Variants in RAPGEF6 observed in about 807,000 individuals in gnomAD.
RAPGEF6 encodes Rap guanine nucleotide exchange factor 6.
A neutral mutation model predicts 171.4 loss-of-function variants in RAPGEF6; 56 were observed. The ratio of observed to expected loss-of-function variants is 0.33; its 90% CI spans 0.26 to 0.41. RAPGEF6 has a LOEUF of 0.41. Ranked by LOEUF, RAPGEF6 falls within the 10% of genes least tolerant of loss-of-function variation. The probability of loss-of-function intolerance (pLI) is 1.00; values close to 1 mark genes in which losing one functional copy is unlikely to be tolerated. For synonymous variants in RAPGEF6, 692 were observed against 650.1 expected, an observed-to-expected ratio of 1.06 and a Z score of -0.98; for missense variants, 1,674 against 1,921.4, an observed-to-expected ratio of 0.87 and a Z score of 2.41.
intron 6 of RAPGEF6, among the ~76,000 whole-genome samples, chr5:131,532,668 A>T (rs1198670327): frequency 6.6e-6 from 1 of 152,000 alleles, no homozygotes; most frequent in African/African-American, 2.4e-5. Context: ...CTTAACCTCC[A>T]GAGGTTTAAA....
chr5:131,438,908 T>C (rs370814515), intron 24 of RAPGEF6, among the ~76,000 whole-genome samples: 3 of 152,208 alleles, frequency 2.0e-5, no homozygotes, highest in African/African-American at 7.2e-5. Context: ...CTAAATCTTA[T>C]AGTTGGTTAA....
chr5:131,495,492 T>A (rs1343816833), intron 13 of RAPGEF6, 61 bp downstream of exon 13: 1 of 1,259,826 alleles, frequency 7.9e-7, no homozygotes, highest in Non-Finnish European at 1.1e-6. Flanking sequence ...CTGTTCTGAG[T>A]TTGCTAGTGT....
chr5:131,464,156 C>T lies in RAPGEF6; in HGVS notation c.2365G>A (p.Ala789Thr), dbSNP rs1754150692. The T allele has an allele frequency of 1.2e-6, 2 of 1,613,902 alleles. No individual in the cohort carries two copies. Among genetic ancestry groups the T allele is most frequent in the African/African-American group, 1.3e-5 (1 of 74,924 alleles). The change falls in exon 18 of 28, where the codon GCA becomes ACA. Residue 789 changes from alanine to threonine, a missense_variant. Around this residue, in one of 3 missense-constraint regions of RAPGEF6, gnomAD observed 1,116 missense variants for 1,321.5 expected, o/e 0.84. Coordinates refer to ENST00000509018, the MANE Select transcript of RAPGEF6 (RefSeq NM_016340.6). ...HAVHEFGLTG[A>T]SDTYSLCEVS... ...TCACAGAGAGAATATGTGTCGGATGCACCGGTCAAACCAAATTCATGAACA... is the reference window on the plus strand; with the variant it reads ...TCACAGAGAGAATATGTGTCGGATGTACCGGTCAAACCAAATTCATGAACA...
chr5:131,455,722 T>C (rs1193408254), intron 20 of RAPGEF6, 79 bp downstream of exon 20: 1 of 1,245,416 alleles, frequency 8.0e-7, no homozygotes, highest in Non-Finnish European at 1.2e-6. Flanking sequence ...GAATAGGAAA[T>C]ATACCATACA....
At chr5:131,437,941 T>TA (rs1752119392) in intron 24 of RAPGEF6, among the ~76,000 whole-genome samples, 1 of 148,772 alleles carries the variant, frequency 6.7e-6, no homozygotes. Flanking sequence ...TCTTTTCCTC[T>TA]TTTTTTTTTG....
At chr5:131,569,966 C>T (rs558912423) in intron 4 of RAPGEF6, among the ~76,000 whole-genome samples, 23 of 132,200 alleles carry the variant, frequency 1.7e-4, no homozygotes, top group Middle Eastern at 4.6e-3. Context: ...TGCTTGACCC[C>T]GGGAGGCAGA....
At chr5:131,477,079 G>C (rs1489035813) in intron 16 of RAPGEF6, among the ~76,000 whole-genome samples, 2 of 151,296 alleles carry the variant, frequency 1.3e-5, no homozygotes, top group East Asian at 3.9e-4. Context: ...TTTCCTATTT[G>C]ATTTCTGAGA....
intron 7 of RAPGEF6, among the ~76,000 whole-genome samples, chr5:131,519,847 T>C (rs1758358140): frequency 6.6e-6 from 1 of 152,200 alleles, no homozygotes; most frequent in South Asian, 2.1e-4. Context: ...ACAATTCTTC[T>C]TTCACAAGAT....
chr5:131,584,391 T>G (rs946434739), intron 4 of RAPGEF6, among the ~76,000 whole-genome samples: 2 of 152,208 alleles, frequency 1.3e-5, no homozygotes, highest in Non-Finnish European at 2.9e-5. Flanking sequence ...CAGCTTTCCT[T>G]TAACCTCTAA....
intron 18 of RAPGEF6, among the ~76,000 whole-genome samples, chr5:131,462,585 G>C (rs1171852151): frequency 6.6e-6 from 1 of 152,150 alleles, no homozygotes; most frequent in Non-Finnish European, 1.5e-5. Context: ...CTACAGAGGA[G>C]GGGAAACACT....
chr5:131,427,810 A>G (rs1162347103), intron 27 of RAPGEF6, among the ~76,000 whole-genome samples: 2 of 152,174 alleles, frequency 1.3e-5, no homozygotes, highest in Non-Finnish European at 2.9e-5. Flanking sequence ...ATTTCATTTA[A>G]AAAATACACC....
intron 5 of RAPGEF6, among the ~76,000 whole-genome samples, chr5:131,560,304 G>A (rs1009886655): frequency 6.6e-6 from 1 of 151,982 alleles, no homozygotes; most frequent in Admixed American, 6.6e-5. Context: ...TCAAACTCAG[G>A]GAATTTGATA....
At chr5:131,504,476 T>A (rs1014489680) in intron 11 of RAPGEF6, 150 bp downstream of exon 11, 501 of 719,864 alleles carry the variant, frequency 7.0e-4, no homozygotes, top group South Asian at 1.2e-3. Context: ...AAAAAAAAAA[T>A]TTTAGAGAAA....
At chr5:131,499,542 C>T (rs1756873097) in intron 11 of RAPGEF6, among the ~76,000 whole-genome samples, 1 of 134,166 alleles carries the variant, frequency 7.5e-6, no homozygotes, top group Non-Finnish European at 1.5e-5. Flanking sequence ...GATCATGCCA[C>T]TGCACTCCAG....
At chr5:131,436,053 A>G (rs973971370) in intron 24 of RAPGEF6, 26 of 1,537,244 alleles carry the variant, frequency 1.7e-5, no homozygotes, top group Non-Finnish European at 2.3e-5. Flanking sequence ...TCCCTTTCTC[A>G]TCTTTGATGT....
chr5:131,600,263 T>A (rs747500910), intron 3 of RAPGEF6, among the ~76,000 whole-genome samples: 19 of 152,352 alleles, frequency 1.2e-4, no homozygotes, highest in African/African-American at 4.6e-4. Flanking sequence ...GGCTCATGCC[T>A]GTAATCCCAG....
intron 11 of RAPGEF6, among the ~76,000 whole-genome samples, chr5:131,501,470 C>A (rs950992513): frequency 1.8e-4 from 28 of 151,790 alleles, no homozygotes; most frequent in African/African-American, 6.5e-4. Flanking sequence ...ACAAAAGCAA[C>A]CCATCAGCAT....
At chr5:131,513,269 A>C (rs947195845) in intron 7 of RAPGEF6, among the ~76,000 whole-genome samples, 4 of 152,240 alleles carry the variant, frequency 2.6e-5, no homozygotes, top group African/African-American at 9.6e-5. Context: ...GACTGGGAAA[A>C]AACCTAAAGC....
intron 4 of RAPGEF6, among the ~76,000 whole-genome samples, chr5:131,579,688 A>C (rs1485860540): frequency 9.2e-5 from 14 of 151,844 alleles, no homozygotes; most frequent in Admixed American, 8.5e-4. Flanking sequence ...AGCTAGAAAC[A>C]AAAGTTCTCC....
Sources: allele counts gnomAD v4.1 joint callset (sites outside exome capture counted in the v4.1 genomes callset), GRCh38; gene constraint gnomAD v4.1.1; regional missense constraint gnomAD v4.1.1; transcripts MANE v1.5; gene names NCBI Gene and HGNC (gene_info 2026-07-23, HGNC 2026-07-21).